The following GAB2 variants were observed in gnomAD, a reference collection of about 807,000 sequenced individuals.
The protein encoded by GAB2 is GRB2 associated binding protein 2.
A neutral mutation model predicts 65.5 loss-of-function variants in GAB2; 26 were observed. The observed-to-expected ratio is 0.40, with a 90% CI of 0.29 to 0.55. The LOEUF (loss-of-function observed/expected upper bound fraction) is 0.55, where lower values mean the gene tolerates loss of function less well. GAB2 is among the 20% of genes least tolerant of loss of function. GAB2 has a pLI of 0.53. For missense variants in GAB2, 884 were observed against 875.8 expected (o/e 1.01, Z -0.12); for synonymous variants, 321 against 329.6 (o/e 0.97, Z 0.28).
intron 3 of GAB2, among the ~76,000 whole-genome samples, chr11:78,249,502 G>A (rs1865387871): frequency 2.0e-5 from 3 of 152,220 alleles, no homozygotes; most frequent in Non-Finnish European, 1.5e-5. Context: ...TACAGGTTCT[G>A]CACCTGTGAA....
chr11:78,313,263 A>G (rs1855537778), intron 1 of GAB2, among the ~76,000 whole-genome samples: 1 of 152,026 alleles, frequency 6.6e-6, no homozygotes, highest in Non-Finnish European at 1.5e-5. Context: ...CCAGATAAAC[A>G]GCGTTACCTA....
chr11:78,408,825 G>A (rs142538252), intron 1 of GAB2, among the ~76,000 whole-genome samples: 69 of 152,294 alleles, frequency 4.5e-4, no homozygotes, highest in African/African-American at 1.6e-3. Context: ...CTCCAGCCAT[G>A]TAAGATGTGC....
chr11:78,226,438 T>C (rs1391333548), intron 4 of GAB2, 27 bp downstream of exon 4: 2 of 1,554,476 alleles, frequency 1.3e-6, no homozygotes. Flanking sequence ...CTCCTCCCTC[T>C]GAGTCTCAGC....
intron 1 of GAB2, among the ~76,000 whole-genome samples, chr11:78,408,755 A>T (rs1178433340): frequency 6.6e-6 from 1 of 152,072 alleles, no homozygotes; most frequent in Non-Finnish European, 1.5e-5. Flanking sequence ...TGAGTGAGTT[A>T]TTGTGAGATC....
intron 2 of GAB2, among the ~76,000 whole-genome samples, chr11:78,272,604 A>G (rs555468878): frequency 6.6e-6 from 1 of 152,326 alleles, no homozygotes; most frequent in African/African-American, 2.4e-5. Context: ...TTATAAGGGA[A>G]GCAGAACAAA....
intron 1 of GAB2, among the ~76,000 whole-genome samples, chr11:78,346,947 G>C (rs1330412856): frequency 6.6e-6 from 1 of 151,746 alleles, no homozygotes; most frequent in Non-Finnish European, 1.5e-5. Flanking sequence ...AGAGAATCCA[G>C]AAGGAGTGGT....
rs1864247804 is a variant in GAB2, at chr11:78,218,247, T to TGTCCCA, written c.*1019_*1024dup. 1 of 154,298 alleles carries TGTCCCA rather than the reference T, an allele frequency of 6.5e-6. No individual in the cohort carries two copies. The highest frequency in any genetic ancestry group is 2.4e-5 in the African/African-American group (1 of 41,472). The allele number at this position is 154,298 out of a possible 1,614,324, so 9.6% of individuals were successfully genotyped here. ...CCTGTGCCTCTGCCCAGCCTGTGCC[T>TGTCCCA]GTCCCAGGGTTCCCCTCAGTCCCTG... On this transcript the variant is annotated 3_prime_UTR_variant, in exon 10 of 10. Coordinates refer to ENST00000361507, the MANE Select transcript of GAB2 (RefSeq NM_080491.3).
chr11:78,366,348 G>C (rs563935325), intron 1 of GAB2, among the ~76,000 whole-genome samples: 1 of 152,188 alleles, frequency 6.6e-6, no homozygotes, highest in South Asian at 2.1e-4. Flanking sequence ...GGGAGGCCGA[G>C]GCAGGTGGAT....
chr11:78,228,601 G>C (rs1351803654), intron 3 of GAB2, among the ~76,000 whole-genome samples: 1 of 152,180 alleles, frequency 6.6e-6, no homozygotes, highest in Non-Finnish European at 1.5e-5. Flanking sequence ...CCAGAGCTTA[G>C]AAAGAGGAAA....
At chr11:78,245,759 A>C (rs541811342) in intron 3 of GAB2, among the ~76,000 whole-genome samples, 1 of 152,278 alleles carries the variant, frequency 6.6e-6, no homozygotes, top group South Asian at 2.1e-4. Flanking sequence ...CTGAAAATTC[A>C]AGTTTCCTTC....
chr11:78,300,685 G>GTTTTTTTTTTTTTTTTTTTT (rs763136988), intron 1 of GAB2, among the ~76,000 whole-genome samples: 1 of 120,686 alleles, frequency 8.3e-6, no homozygotes, highest in African/African-American at 3.5e-5. Context: ...TTTTTTTTTG[G>GTTTTTTTTTTTTTTTTTTTT]TTTTTTTTTG....
chr11:78,305,818 G>C (rs935819721), intron 1 of GAB2, among the ~76,000 whole-genome samples: 1 of 152,200 alleles, frequency 6.6e-6, no homozygotes, highest in Non-Finnish European at 1.5e-5. Context: ...TTTCTCCCAA[G>C]ACCTCAGAGC....
intron 2 of GAB2, among the ~76,000 whole-genome samples, chr11:78,261,859 A>G (rs1056224341): frequency 2.6e-5 from 4 of 152,182 alleles, no homozygotes; most frequent in East Asian, 1.9e-4. Flanking sequence ...ACAGGAATCA[A>G]TCCATCAAGT....
At chr11:78,405,090 GATT>G (rs147040386) in intron 1 of GAB2, among the ~76,000 whole-genome samples, 8,186 of 140,640 alleles carry the variant, frequency 0.058, 745 homozygotes, top group African/African-American at 0.2. Flanking sequence ...AAAAAACATG[GATT>G]TTTTTTTTTT....
At chr11:78,355,163 A>G (rs1856339895) in intron 1 of GAB2, among the ~76,000 whole-genome samples, 1 of 152,222 alleles carries the variant, frequency 6.6e-6, no homozygotes, top group South Asian at 2.1e-4. Context: ...ATGTGGGTCC[A>G]GTTCTGGCTT....
chr11:78,264,449 G>A (rs1865820899), intron 2 of GAB2, among the ~76,000 whole-genome samples: 1 of 151,150 alleles, frequency 6.6e-6, no homozygotes, highest in South Asian at 2.1e-4. Flanking sequence ...TGCCCAGGCT[G>A]GAGTGCAGTG....
At chr11:78,300,967 TTA>T (rs1437451088) in intron 1 of GAB2, among the ~76,000 whole-genome samples, 1 of 152,170 alleles carries the variant, frequency 6.6e-6, no homozygotes, top group Non-Finnish European at 1.5e-5. Context: ...AGTGCTGGGA[TTA>T]CAGGTGTAAG....
chr11:78,233,410 A>G (rs1336108431), intron 3 of GAB2, among the ~76,000 whole-genome samples: 14 of 152,194 alleles, frequency 9.2e-5, no homozygotes, highest in Admixed American at 9.2e-4. Flanking sequence ...TGCATTTCCC[A>G]GATCACTGAT....
rs533299715 is a variant in GAB2 at position 78,349,790 on chromosome 11, C to T, written c.75+67856G>A. Among the ~76,000 whole-genome samples the T allele has an allele frequency of 1.8e-4, 27 of 152,180 alleles. No individual in the cohort carries two copies. In the South Asian group the frequency reaches 5.6e-3, roughly 32 times the overall value. On this transcript the variant is annotated intron_variant, in intron 1 of 9. Transcript: ENST00000361507. ...CTTCTGGAGCAGAGGAGAATCCTCT[C>T]ACTTGGCTCCAGCATTTGCTGGTAT...
Sources: gnomAD v4.1 joint callset for allele counts (sites outside exome capture counted in the v4.1 genomes callset) on GRCh38, gnomAD v4.1.1 for gene constraint, MANE v1.5 for transcripts, NCBI Gene and HGNC (gene_info 2026-07-23, HGNC 2026-07-21) for gene names.